MEGF6: variants seen among roughly 807,000 people sequenced by gnomAD.
MEGF6 encodes multiple EGF like domains 6.
A neutral mutation model predicts 207.1 loss-of-function variants in MEGF6; 184 were observed. The ratio of observed to expected loss-of-function variants is 0.89; its 90% confidence interval spans 0.79 to 1.00. The LOEUF is 1.00. MEGF6 is among the 50% of genes least tolerant of loss of function. The probability of loss-of-function intolerance (pLI) is 0.00; values close to 1 mark genes in which losing one functional copy is unlikely to be tolerated. For synonymous variants in MEGF6, 1,038 were observed against 910.0 expected (o/e 1.14, Z -2.53); for missense variants, 2,282 against 2,202.9 (o/e 1.04, Z -0.72).
At position 3,602,607 on chromosome 1, in the gene MEGF6, C is replaced by T. The variant is rs200661732; in HGVS notation, c.132-7G>A. The T allele has an allele frequency of 1.9e-6, 3 of 1,601,204 alleles. No homozygotes were observed. Among genetic ancestry groups the T allele is most frequent in the Non-Finnish European group, 2.6e-6 (3 of 1,172,184 alleles). ...CTCAGCACACACGTGGGGCCTGGAA[C>T]AGAGACACGGAGAGTCAGCGCCTCG... On this transcript the variant is annotated splice_region_variant and splice_polypyrimidine_tract_variant and intron_variant, in intron 1 of 36. Transcript: ENST00000356575.
intron 5 of MEGF6, among the ~76,000 whole-genome samples, chr1:3,517,970 G>A (rs760208173): frequency 1.3e-5 from 2 of 152,216 alleles, no homozygotes; most frequent in Non-Finnish European, 2.9e-5. Flanking sequence ...ATCGCACCGC[G>A]TGCTTCCGCA....
intron 15 of MEGF6, 48 bp downstream of exon 15, chr1:3,506,060 C>T (rs1370055032): frequency 6.5e-7 from 1 of 1,539,482 alleles, no homozygotes; most frequent in Non-Finnish European, 8.8e-7. Context: ...ACCATCCCTT[C>T]CACCCGCTGC....
chr1:3,489,164 T>G lies in MEGF6; in HGVS notation c.*1364A>C, dbSNP rs1318980869. On this transcript the variant is annotated 3_prime_UTR_variant, in exon 37 of 37. Coordinates refer to ENST00000356575, the MANE Select transcript of MEGF6 (RefSeq NM_001409.4). ...CCACCATCCTGCCCTCCCTTATCAC[T>G]GTTCTACTTTAAAGTCTCCCCACAG... Among the ~76,000 whole-genome samples the G allele has an allele frequency of 6.6e-6, 1 of 152,178 alleles. No homozygotes were observed. Among genetic ancestry groups the G allele is most frequent in the African/African-American group, 2.4e-5 (1 of 41,436 alleles).
At chr1:3,609,353 G>A (rs76066634) in intron 1 of MEGF6, among the ~76,000 whole-genome samples, 185 of 152,314 alleles carry the variant, frequency 1.2e-3, no homozygotes, top group Non-Finnish European at 2.2e-3. Flanking sequence ...CACCAACTCC[G>A]GCCCACTGCG....
At chr1:3,500,569 G>A (rs1640814143) in intron 21 of MEGF6, 64 bp downstream of exon 21, 41 of 1,494,326 alleles carry the variant, frequency 2.7e-5, no homozygotes, top group Non-Finnish European at 3.6e-5. Context: ...GTGTGTGCAC[G>A]TGTGCATATG....
intron 1 of MEGF6, among the ~76,000 whole-genome samples, chr1:3,607,977 C>T (rs1644275461): frequency 6.6e-6 from 1 of 152,150 alleles, no homozygotes; most frequent in Non-Finnish European, 1.5e-5. Context: ...GGCTCAGCTC[C>T]CCAGCCTGGC....
chr1:3,514,501 G>A, intron 7 of MEGF6, 49 bp downstream of exon 7: 2 of 1,545,586 alleles, frequency 1.3e-6, no homozygotes, highest in Non-Finnish European at 1.7e-6. Context: ...CAGCACCTGG[G>A]TGCGCTTTCT....
intron 4 of MEGF6, among the ~76,000 whole-genome samples, chr1:3,527,061 G>A (rs946222140): frequency 2.9e-4 from 44 of 152,288 alleles, no homozygotes; most frequent in African/African-American, 1.0e-3. Context: ...TAGAGCCAAG[G>A]TCTCCCTAAT....
At chr1:3,500,115 G>A (rs956351315) in intron 21 of MEGF6, among the ~76,000 whole-genome samples, 191 bp from the exon 22 acceptor site, 1 of 152,220 alleles carries the variant, frequency 6.6e-6, no homozygotes, top group Non-Finnish European at 1.5e-5. Flanking sequence ...GGAGGCTTGA[G>A]GGGGCTCCAG....
upstream of MEGF6, among the ~76,000 whole-genome samples, chr1:3,613,367 C>T (rs192142225): frequency 4.6e-5 from 7 of 152,320 alleles, no homozygotes; most frequent in South Asian, 4.1e-4. Flanking sequence ...GGTGCAAGCC[C>T]GTGAGTGTCT....
chr1:3,498,978 A>G, intron 24 of MEGF6, 152 bp from the exon 25 acceptor site: 1 of 1,401,208 alleles, frequency 7.1e-7, no homozygotes, highest in Non-Finnish European at 9.6e-7. Context: ...CTCACTCCCC[A>G]TCCCTGCCTG....
At chr1:3,518,840 C>CTGGG (rs1466086890) in intron 5 of MEGF6, among the ~76,000 whole-genome samples, 1 of 152,224 alleles carries the variant, frequency 6.6e-6, no homozygotes, top group East Asian at 1.9e-4. Flanking sequence ...GGATGGCAGG[C>CTGGG]TGGGGTGCGT....
intron 14 of MEGF6, 136 bp downstream of exon 14, chr1:3,507,659 G>A (rs1641164629): frequency 1.8e-6 from 2 of 1,138,976 alleles, no homozygotes; most frequent in South Asian, 2.6e-5. Context: ...AGGAAAGGGA[G>A]TCTAGGAAAA....
chr1:3,602,170 C>T (rs1392306865), intron 2 of MEGF6, among the ~76,000 whole-genome samples: 2 of 152,198 alleles, frequency 1.3e-5, no homozygotes, highest in South Asian at 2.1e-4. Context: ...GACCACTCTC[C>T]CCTTCCTGCG....
chr1:3,494,628 GC>G lies in MEGF6; in HGVS notation c.3984del (p.Arg1329GlyfsTer189), dbSNP rs1557712691. 3 of 1,561,294 alleles carry G rather than the reference GC, an allele frequency of 1.9e-6. No homozygotes were observed. The South Asian group carries it at 3.5e-5, about 18-fold the overall frequency. Reference protein sequence around the residue: ...GSCSCGLGWTGRHCELACPPG... With the variant: ...GSCSCGLGWTXRHCELACPPG... ...GCACACTCACCCAGCTCGCAGTGCC[GC>G]CCCGTCCAGCCCAGGCCACAGGAGC... On this transcript the variant is annotated frameshift_variant, in exon 31 of 37. Transcript: ENST00000356575. LOFTEE classifies it high-confidence loss of function.
At position 3,499,642 on chromosome 1, in the gene MEGF6, C is replaced by T. The variant is rs1333986386; in HGVS notation, c.2911G>A (p.Val971Met). The change falls in exon 23 of 37, where the codon GTG becomes ATG. Residue 971 changes from valine to methionine, a missense_variant. Val to Met is a conservative substitution (Grantham distance 21). Transcript: ENST00000356575. Reference sequence around the variant, plus strand: ...GCGGGGCAGAGGCAGGAGCCATTCACGGCATCACAGGCAGCTCCGGCGGTG... The same window carrying T: ...GCGGGGCAGAGGCAGGAGCCATTCATGGCATCACAGGCAGCTCCGGCGGTG... ...NCTAGAACDA[V>M]NGSCLCPAGR... 9 of 1,593,850 alleles carry T rather than the reference C, an allele frequency of 5.6e-6. No homozygotes were observed. The highest frequency in any genetic ancestry group is 3.4e-5 in the South Asian group (3 of 88,104).
At chr1:3,508,471 A>G (rs1276349121) in intron 13 of MEGF6, 87 bp downstream of exon 13, 118 of 1,502,230 alleles carry the variant, frequency 7.9e-5, no homozygotes, top group Non-Finnish European at 9.0e-7. Flanking sequence ...AGGCAGGAGT[A>G]AAACTGAATG....
At chr1:3,538,696 C>CTGTGTGTGTG (rs57325073) in intron 4 of MEGF6, among the ~76,000 whole-genome samples, 2,420 of 132,056 alleles carry the variant, frequency 0.018, 46 homozygotes, top group Middle Eastern at 0.034. Flanking sequence ...GAGCATGTGC[C>CTGTGTGTGTG]TGTGTGTGTG....
intron 4 of MEGF6, chr1:3,531,376 G>C (rs986249065): frequency 1.7e-6 from 2 of 1,175,916 alleles, no homozygotes; most frequent in Non-Finnish European, 2.1e-6. Flanking sequence ...CCAGCCCCGG[G>C]ATCCGCTCCG....
Sources: gnomAD v4.1 joint callset for allele counts (sites outside exome capture counted in the v4.1 genomes callset) on GRCh38, gnomAD v4.1.1 for gene constraint, MANE v1.5 for transcripts, NCBI Gene and HGNC (gene_info 2026-07-23, HGNC 2026-07-21) for gene names.